Variants in DDX50 observed in about 807,000 individuals in gnomAD.
DDX50 encodes the protein ATP-dependent RNA helicase DDX50.
Under a neutral mutation model 94.8 loss-of-function variants are expected in DDX50, and 56 were observed. The ratio of observed to expected loss-of-function variants is 0.59; its 90% CI spans 0.48 to 0.74. The LOEUF is 0.74. DDX50 is among the 30% of genes least tolerant of loss of function. DDX50 has a pLI of 0.00. For synonymous variants in DDX50, 264 were observed against 295.4 expected, an observed-to-expected ratio of 0.89 and a Z score of 1.09; for missense variants, 713 against 881.2, an observed-to-expected ratio of 0.81 and a Z score of 2.42.
At chr10:68,924,082 A>G (rs1564609815) in intron 8 of DDX50, among the ~76,000 whole-genome samples, 1 of 150,338 alleles carries the variant, frequency 6.7e-6, no homozygotes, top group Non-Finnish European at 1.5e-5. Context: ...CCACAGTACT[A>G]CAGTAGCTGG....
Position 68,946,655 on chromosome 10 carries a change from G to GT in DDX50, c.*26dup. On this transcript the variant is annotated 3_prime_UTR_variant, in exon 15 of 15. Transcript: ENST00000373585. ...AGTATTTGATAGTTAATCTACCAGT[G>GT]TGAGCTTGCCTATTTCTGCCTAATC... 1 of 1,599,554 alleles carries GT rather than the reference G, an allele frequency of 6.3e-7. No individual in the cohort carries two copies. The highest frequency in any genetic ancestry group is 8.5e-7 in the Non-Finnish European group (1 of 1,170,988).
In DDX50 at chr10:68,943,297, T is replaced by C. The variant is rs938126805; in HGVS notation, c.1935+40T>C. The C allele has an allele frequency of 6.7e-6, 10 of 1,501,736 alleles. No individual in the cohort carries two copies. The African/African-American group carries it at 1.3e-4, about 19-fold the overall frequency. 93.0% of individuals were successfully genotyped at this position (1,501,736 alleles called of 1,614,324 possible). Reference sequence around the variant, plus strand: ...TTATCTTTTAAATGGTTGAGTACATTCTCTAACATTTAGATTGGGATATTT... The same window carrying C: ...TTATCTTTTAAATGGTTGAGTACATCCTCTAACATTTAGATTGGGATATTT... On this transcript the variant is annotated intron_variant, in intron 14 of 14. Transcript: ENST00000373585.
intron 8 of DDX50, among the ~76,000 whole-genome samples, chr10:68,931,447 A>ACACACACACACACACAC (rs10525578): frequency 4.4e-5 from 6 of 134,920 alleles, no homozygotes; most frequent in Admixed American, 7.5e-5. Flanking sequence ...ACACACACAC[A>ACACACACACACACACAC]ATTTTTTTTT....
intron 8 of DDX50, among the ~76,000 whole-genome samples, chr10:68,931,426 TACACAA>T (rs1842268812): frequency 1.2e-5 from 1 of 84,828 alleles, no homozygotes; most frequent in African/African-American, 4.4e-5. Flanking sequence ...TATATATATA[TACACAA>T]ACACACACAC....
At chr10:68,921,442 T>A (rs1841937385) in intron 8 of DDX50, among the ~76,000 whole-genome samples, 1 of 152,208 alleles carries the variant, frequency 6.6e-6, no homozygotes, top group African/African-American at 2.4e-5. Context: ...TGCTTCCCCA[T>A]GATGTCATTT....
rs1364955390 is a variant in DDX50 at position 68,934,060 on chromosome 10, T to C, written c.1240-139T>C. The C allele has an allele frequency of 1.3e-6, 1 of 764,828 alleles. No homozygotes were observed. The highest frequency in any genetic ancestry group is 1.9e-6 in the Non-Finnish European group (1 of 532,236). The allele number at this position is 764,828 out of a possible 1,614,324, so 47.4% of individuals were successfully genotyped here. On this transcript the variant is annotated intron_variant, in intron 8 of 14. Transcript: ENST00000373585. The surrounding 1 kb of genome is among the most constrained non-coding windows in gnomAD (Gnocchi z 4.0). ...ATTTTCTGTCATGTTTGACTTTTTT[T>C]TTTTACAGTAAGCATGCATTGTTAA...
intron 12 of DDX50, among the ~76,000 whole-genome samples, chr10:68,939,795 G>A (rs1415730733): frequency 6.6e-6 from 1 of 151,916 alleles, no homozygotes; most frequent in South Asian, 2.1e-4. Flanking sequence ...TGTTCGTGAC[G>A]CTTATTACTA....
intron 12 of DDX50, 31 bp downstream of exon 12, chr10:68,937,126 T>C: frequency 6.4e-7 from 1 of 1,559,662 alleles, no homozygotes; most frequent in Non-Finnish European, 8.7e-7. Context: ...TGTACATGAG[T>C]GGGAAAAGGT....
chr10:68,920,690 A>C (rs1031201913), intron 8 of DDX50, among the ~76,000 whole-genome samples: 2 of 152,026 alleles, frequency 1.3e-5, no homozygotes, highest in African/African-American at 4.8e-5. Context: ...TCATGGCTGT[A>C]ATCCCAGCAC....
At chr10:68,916,707 G>T (rs1841805036) in intron 7 of DDX50, among the ~76,000 whole-genome samples, 1 of 151,992 alleles carries the variant, frequency 6.6e-6, no homozygotes, top group Non-Finnish European at 1.5e-5. Context: ...TTTTGAGATG[G>T]AATTTCACTC....
chr10:68,932,988 ACT>A (rs1223883986), intron 8 of DDX50, among the ~76,000 whole-genome samples: 1 of 152,060 alleles, frequency 6.6e-6, no homozygotes, highest in Non-Finnish European at 1.5e-5. Flanking sequence ...TATGTATCCT[ACT>A]GAAATATACA....
rs747822613 is a variant in DDX50, at chr10:68,936,039, A to T, written c.1555A>T (p.Thr519Ser). Residue 519 changes from threonine (T) to serine (S), a missense_variant, in exon 11 of 15, where the codon ACA becomes TCA. Transcript: ENST00000373585. ...TTTTAAACGTGTAGGTGTTCCTTCT[A>T]CAATGGATTTAGTTAAATCTAAAAG... ...ITFKRVGVPS[T>S]MDLVKSKSMD... 3.7e-6 allele frequency: 6 copies of T among 1,610,582 alleles called. No individual in the cohort carries two copies. In the Admixed American group the frequency reaches 8.4e-5, roughly 23 times the overall value.
At chr10:68,909,552 T>C (rs934172359) in intron 2 of DDX50, among the ~76,000 whole-genome samples, 1 of 152,252 alleles carries the variant, frequency 6.6e-6, no homozygotes, top group Non-Finnish European at 1.5e-5. Flanking sequence ...CTTTATAATT[T>C]TGTCTACATC....
At chr10:68,909,834 G>A (rs934120134) in intron 2 of DDX50, among the ~76,000 whole-genome samples, 25 of 152,166 alleles carry the variant, frequency 1.6e-4, no homozygotes, top group Middle Eastern at 3.4e-3. Context: ...GGCTAATTTT[G>A]TATTGTTAGT....
chr10:68,932,093 C>A (rs890136769), intron 8 of DDX50, among the ~76,000 whole-genome samples: 1 of 152,322 alleles, frequency 6.6e-6, no homozygotes, highest in East Asian at 1.9e-4. Context: ...ACACATCATA[C>A]TGTATTGAAG....
intron 1 of DDX50, among the ~76,000 whole-genome samples, chr10:68,902,133 C>T (rs1230655417): frequency 2.0e-5 from 3 of 148,590 alleles, no homozygotes; most frequent in Non-Finnish European, 4.4e-5. Context: ...ATGGTCTCTG[C>T]TCTCAAGGAG....
At position 68,911,237 on chromosome 10, in the gene DDX50, C is replaced by T. The variant is rs757465766; in HGVS notation, c.630C>T (p.Arg210=). ...ATCAAGAAACAATTAAAAAAAGCCG[C>T]TCACCAAAGGTAATCGTTATAGGGG... The part of the protein sequence containing the change: ...QRNQETIKKS[R]SPKVLVLAPT... The change falls in exon 4 of 15, where the codon CGC becomes CGT. Residue 210 remains arginine (R), a synonymous_variant. Transcript: ENST00000373585. The T allele has an allele frequency of 1.3e-6, 2 of 1,598,352 alleles. No homozygotes were observed. The highest frequency in any genetic ancestry group is 1.7e-6 in the Non-Finnish European group (2 of 1,175,380).
At position 68,911,193 on chromosome 10, in the gene DDX50, A is replaced by G. The variant is rs1202054705; in HGVS notation, c.586A>G (p.Ile196Val). The change falls in exon 4 of 15, where the codon ATT becomes GTT. Residue 196 changes from isoleucine to valine, a missense_variant. By Grantham distance (29) the Ile-to-Val change is conservative. Transcript: ENST00000373585. Reference sequence around the variant, plus strand: ...GACATTCTCTTTTGCCATCCCCTTAATTGAAAGACTCCAAAGAAATCAAGA... The same window carrying G: ...GACATTCTCTTTTGCCATCCCCTTAGTTGAAAGACTCCAAAGAAATCAAGA... The part of the protein sequence containing the change: ...GKTFSFAIPL[I>V]ERLQRNQETI... 1 of 1,611,334 alleles carries G rather than the reference A, an allele frequency of 6.2e-7. No individual in the cohort carries two copies. The highest frequency in any genetic ancestry group is 8.5e-7 in the Non-Finnish European group (1 of 1,179,198).
At chr10:68,929,287 TCCTTCCTC>T (rs1339144889) in intron 8 of DDX50, among the ~76,000 whole-genome samples, 2 of 77,976 alleles carry the variant, frequency 2.6e-5, no homozygotes, top group African/African-American at 8.6e-5. Context: ...CTTCCTTCCT[TCCTTCCTC>T]TCTCTCTCTC....
Sources: allele counts gnomAD v4.1 joint callset (sites outside exome capture counted in the v4.1 genomes callset), GRCh38; gene constraint gnomAD v4.1.1; non-coding constraint Gnocchi (gnomAD v3.1); transcripts MANE v1.5; gene names NCBI Gene and HGNC (gene_info 2026-07-23, HGNC 2026-07-21).